The following BIRC6 variants were observed in gnomAD, a reference collection of about 807,000 sequenced individuals.
BIRC6 encodes the protein dual E2 ubiquitin-conjugating enzyme/E3 ubiquitin-protein ligase BIRC6.
In BIRC6, 98 loss-of-function variants were observed where a neutral mutation model predicts 503.3. The observed-to-expected ratio is 0.19, with a 90% CI of 0.17 to 0.23. The LOEUF (loss-of-function observed/expected upper bound fraction) is 0.23, where lower values mean the gene tolerates loss of function less well. Ranked by LOEUF, BIRC6 falls within the 10% of genes least tolerant of loss-of-function variation. The pLI, the probability that BIRC6 is intolerant of heterozygous loss-of-function variation, is 1.00. For synonymous variants in BIRC6, 2,240 were observed against 2,078.7 expected, an observed-to-expected ratio of 1.08 and a Z score of -2.11; for missense variants, 5,360 against 5,806.0, an observed-to-expected ratio of 0.92 and a Z score of 2.50.
chr2:32,592,285 G>A (rs2061432105), intron 66 of BIRC6, among the ~76,000 whole-genome samples: 1 of 152,174 alleles, frequency 6.6e-6, no homozygotes, highest in Non-Finnish European at 1.5e-5. Flanking sequence ...TAAGAAGAGA[G>A]CACAGGAAAA....
chr2:32,601,155 A>C lies in BIRC6; in HGVS notation c.13992+1255A>C, dbSNP rs113739715. 2.3e-3 allele frequency among the ~76,000 whole-genome samples: 350 copies of C among 152,382 alleles called. 4 individuals carry two copies. The highest frequency in any genetic ancestry group is 8.2e-3 in the African/African-American group (339 of 41,592). On this transcript the variant is annotated intron_variant, in intron 70 of 73. Transcript: ENST00000421745. ...TATATGTATGACAGCACTTTGAATA[A>C]TACACAAGACTTCACAGATACAACT...
intron 64 of BIRC6, 36 bp downstream of exon 64, chr2:32,548,050 G>T: frequency 1.3e-6 from 2 of 1,504,038 alleles, no homozygotes; most frequent in East Asian, 2.4e-5. Flanking sequence ...CATGATAATG[G>T]CTTTTTTTTT....
At chr2:32,408,518 A>T (rs1364384237) in intron 9 of BIRC6, among the ~76,000 whole-genome samples, 1 of 151,922 alleles carries the variant, frequency 6.6e-6, no homozygotes, top group Non-Finnish European at 1.5e-5. Context: ...GTTTTTTTTG[A>T]TTGTCACTGG....
intron 1 of BIRC6, among the ~76,000 whole-genome samples, chr2:32,373,652 G>C (rs2036297317): frequency 6.6e-6 from 1 of 152,188 alleles, no homozygotes; most frequent in African/African-American, 2.4e-5. Context: ...ATATAAAATG[G>C]TGCAGCCATT....
At chr2:32,558,109 T>C (rs1416827685) in intron 65 of BIRC6, among the ~76,000 whole-genome samples, 2 of 152,214 alleles carry the variant, frequency 1.3e-5, no homozygotes, top group Non-Finnish European at 2.9e-5. Flanking sequence ...TACTTTAGTC[T>C]GTTAACGTGT....
chr2:32,532,252 A>C (rs764249902), intron 61 of BIRC6: 1 of 521,162 alleles, frequency 1.9e-6, no homozygotes, highest in East Asian at 5.6e-5. Flanking sequence ...GGCTGGCTTA[A>C]AACAACTGAA....
At chr2:32,361,254 C>T (rs1213417886) in intron 1 of BIRC6, among the ~76,000 whole-genome samples, 2 of 152,092 alleles carry the variant, frequency 1.3e-5, no homozygotes, top group Non-Finnish European at 2.9e-5. Context: ...ACAGTATAAA[C>T]TCGAGTATTT....
rs772230320 is a variant in BIRC6 at position 32,515,617 on chromosome 2, T to G, written c.11196T>G (p.Gly3732=). 1.2e-6 allele frequency: 2 copies of G among 1,613,548 alleles called. No homozygotes were observed. The highest frequency in any genetic ancestry group is 4.5e-5 in the East Asian group (2 of 44,864). The change falls in exon 55 of 74, where the codon GGT becomes GGG. Residue 3732 remains glycine (G), a synonymous_variant. Transcript: ENST00000421745. Reference sequence around the variant, plus strand: ...CCACTTCTGGAAGCCATAATTTAGGTGCACAACAGACCAGTGCAAGATCAG... The same window carrying G: ...CCACTTCTGGAAGCCATAATTTAGGGGCACAACAGACCAGTGCAAGATCAG... The part of the protein sequence containing the change: ...SGSTSGSHNL[G]AQQTSARSAS...
In BIRC6 at chr2:32,486,815, C is replaced by A. The variant is rs368900736; in HGVS notation, c.7814-832C>A. Among the ~76,000 whole-genome samples the A allele has an allele frequency of 2.6e-5, 4 of 152,096 alleles. No homozygotes were observed. The East Asian group carries it at 7.7e-4, about 29-fold the overall frequency. ...AAAACAGAAGGAATGGTCTAGTGTT[C>A]TATAATCTCAGTATTGGTACACAAA... On this transcript the variant is annotated intron_variant, in intron 40 of 73. Coordinates refer to ENST00000421745, the MANE Select transcript of BIRC6 (RefSeq NM_016252.4).
chr2:32,509,228 T>TA (rs1261584967), intron 51 of BIRC6, among the ~76,000 whole-genome samples: 2 of 152,186 alleles, frequency 1.3e-5, no homozygotes, highest in Non-Finnish European at 2.9e-5. Context: ...CTAAGTGCTA[T>TA]GAATACAAGT....
At chr2:32,439,935 G>A (rs1174220038) in intron 16 of BIRC6, among the ~76,000 whole-genome samples, 1 of 152,090 alleles carries the variant, frequency 6.6e-6, no homozygotes, top group South Asian at 2.1e-4. Flanking sequence ...CTGGAATGCA[G>A]TGGCGCAAAC....
chr2:32,511,201 C>CTTTTTTTTTTTTTTTTTTTTTTTTTTTT, intron 53 of BIRC6, among the ~76,000 whole-genome samples: 22 of 48,590 alleles, frequency 4.5e-4, no homozygotes, highest in East Asian at 7.9e-4. Flanking sequence ...CTTTTCTTTT[C>CTTTTTTTTTTTTTTTTTTTTTTTTTTTT]TTTTTTTTTT....
intron 40 of BIRC6, among the ~76,000 whole-genome samples, chr2:32,486,360 T>C (rs1267830773): frequency 6.6e-6 from 1 of 152,230 alleles, no homozygotes; most frequent in East Asian, 1.9e-4. Flanking sequence ...ATAGACAATA[T>C]GTAAATGAAT....
rs901197748 is a variant in BIRC6, at chr2:32,574,583, T to C, written c.13145-573T>C. 2.6e-5 allele frequency: 4 copies of C among 156,406 alleles called. No individual in the cohort carries two copies. In the East Asian group the frequency reaches 7.6e-4, roughly 30 times the overall value. 9.7% of individuals were successfully genotyped at this position (156,406 alleles called of 1,614,324 possible). On this transcript the variant is annotated intron_variant, in intron 65 of 73. Coordinates refer to ENST00000421745, the MANE Select transcript of BIRC6 (RefSeq NM_016252.4). ...AAAAAATCATAGAAAATATATTTAC[T>C]GTTCATTAAATGGAAGTGGATCATC...
chr2:32,371,202 T>G (rs1573710820), intron 1 of BIRC6, among the ~76,000 whole-genome samples: 3 of 102,306 alleles, frequency 2.9e-5, no homozygotes, highest in South Asian at 3.1e-4. Context: ...GGCAACAGAG[T>G]GAGACCCTGT....
intron 45 of BIRC6, among the ~76,000 whole-genome samples, chr2:32,494,499 T>C (rs907897827): frequency 1.3e-5 from 2 of 152,108 alleles, no homozygotes; most frequent in Admixed American, 6.5e-5. Context: ...GTGCTGGGAT[T>C]ACAGGTGTGA....
intron 1 of BIRC6, among the ~76,000 whole-genome samples, chr2:32,364,658 A>G (rs1478311948): frequency 1.3e-5 from 2 of 152,052 alleles, no homozygotes; most frequent in Admixed American, 6.6e-5. Context: ...GTCCCTCAGT[A>G]ATACAGATAA....
intron 8 of BIRC6, among the ~76,000 whole-genome samples, chr2:32,403,094 A>G (rs934668654): frequency 3.9e-5 from 6 of 152,230 alleles, no homozygotes; most frequent in Admixed American, 1.3e-4. Flanking sequence ...CAAACAAATC[A>G]TACAAAAACA....
In BIRC6 at chr2:32,595,210, A is replaced by G. The variant is rs536618855; in HGVS notation, c.13612+66A>G. On this transcript the variant is annotated intron_variant, in intron 68 of 73. Coordinates refer to ENST00000421745, the MANE Select transcript of BIRC6 (RefSeq NM_016252.4). ...ATTTTTTTTTAACAGTGCTATTGAA[A>G]TGTGTTTTAGCAAATTAAAGATTTT... 9.2e-5 allele frequency: 91 copies of G among 990,372 alleles called. No homozygotes were observed. The African/African-American group carries it at 1.2e-3, about 13-fold the overall frequency. The allele number at this position is 990,372 out of a possible 1,614,324, so 61.3% of individuals were successfully genotyped here.
Sources: allele counts gnomAD v4.1 joint callset (sites outside exome capture counted in the v4.1 genomes callset), GRCh38; gene constraint gnomAD v4.1.1; transcripts MANE v1.5; gene names NCBI Gene and HGNC (gene_info 2026-07-23, HGNC 2026-07-21).